MKLN1: variants seen among roughly 807,000 people sequenced by gnomAD.
The protein encoded by MKLN1 is muskelin 1, also known as muskelin.
MKLN1 carries 18 observed loss-of-function variants against 99.0 expected under a neutral mutation model. The observed-to-expected ratio is 0.18, with a 90% CI of 0.13 to 0.27. The LOEUF (loss-of-function observed/expected upper bound fraction) is 0.27, where lower values mean the gene tolerates loss of function less well. Among genes scored for constraint, MKLN1 ranks in the 10% least tolerant of loss-of-function variants. MKLN1 has a pLI of 1.00. For synonymous variants in MKLN1, 288 were observed against 293.2 expected (o/e 0.98, Z 0.18); for missense variants, 621 against 875.9 (o/e 0.71, Z 3.67).
In MKLN1 at chr7:131,495,906, A is replaced by C. The variant is rs1055834520; in HGVS notation, c.*8178A>C. On this transcript the variant is annotated 3_prime_UTR_variant, in exon 18 of 18. Transcript: ENST00000352689. ...GGAGCATATTCATACCATGAGGAGG[A>C]GTCTTTGTTTATGATGGACTTTTTA... 2.0e-5 allele frequency: 3 copies of C among 152,170 alleles called. No individual in the cohort carries two copies. Among genetic ancestry groups the C allele is most frequent in the African/African-American group, 4.8e-5 (2 of 41,434 alleles). The allele number at this position is 152,170 out of a possible 1,614,324, so 9.4% of individuals were successfully genotyped here.
At chr7:131,299,985 A>G (rs958121500) in intron 3 of MKLN1, among the ~76,000 whole-genome samples, 2 of 152,176 alleles carry the variant, frequency 1.3e-5, no homozygotes, top group Non-Finnish European at 2.9e-5. Flanking sequence ...TCTCGGGGTA[A>G]ACTCTGCAGC....
At chr7:131,138,711 T>G (rs12533020) in intron 1 of MKLN1, among the ~76,000 whole-genome samples, 1 of 150,420 alleles carries the variant, frequency 6.6e-6, no homozygotes. Flanking sequence ...AAAAAAAAAA[T>G]TCTTCAGCTG....
At chr7:131,466,931 G>A (rs931360919) in intron 15 of MKLN1, among the ~76,000 whole-genome samples, 4 of 151,810 alleles carry the variant, frequency 2.6e-5, no homozygotes, top group Admixed American at 1.3e-4. Flanking sequence ...ACACGCGCGC[G>A]CGCGCACACA....
chr7:131,437,687 G>A (rs1370259825), intron 9 of MKLN1, 98 bp from the exon 10 acceptor site: 31 of 889,438 alleles, frequency 3.5e-5, no homozygotes, highest in Non-Finnish European at 5.2e-5. Flanking sequence ...TTTAATGAAA[G>A]GTAATAAAAA....
intron 7 of MKLN1, among the ~76,000 whole-genome samples, chr7:131,413,063 C>G (rs1010946096): frequency 6.6e-6 from 1 of 152,096 alleles, no homozygotes; most frequent in African/African-American, 2.4e-5. Context: ...AAAATGAATT[C>G]ATTTTAGTGC....
intron 1 of MKLN1, among the ~76,000 whole-genome samples, chr7:131,335,196 T>G (rs1799216776): frequency 6.6e-6 from 1 of 152,198 alleles, no homozygotes; most frequent in African/African-American, 2.4e-5. Flanking sequence ...TTAGAAAATT[T>G]TTTTGTTGTT....
At chr7:131,130,568 C>T (rs542533690) in intron 1 of MKLN1, among the ~76,000 whole-genome samples, 3 of 152,154 alleles carry the variant, frequency 2.0e-5, no homozygotes, top group Admixed American at 1.3e-4. Context: ...TTTTTTCTGT[C>T]GATAATGTTA....
At chr7:131,216,672 A>G (rs1403042388) in intron 3 of MKLN1, among the ~76,000 whole-genome samples, 1 of 152,126 alleles carries the variant, frequency 6.6e-6, no homozygotes, top group Non-Finnish European at 1.5e-5. Context: ...AATGCTACTC[A>G]ATTTCTACAA....
intron 3 of MKLN1, among the ~76,000 whole-genome samples, chr7:131,259,522 ATACTT>A (rs752821077): frequency 3.7e-4 from 57 of 152,220 alleles, no homozygotes; most frequent in Non-Finnish European, 6.5e-4. Context: ...TCACCCCTAA[ATACTT>A]TAACATTCAC....
intron 5 of MKLN1, among the ~76,000 whole-genome samples, chr7:131,398,358 C>G (rs1409577839): frequency 1.3e-5 from 2 of 152,064 alleles, no homozygotes; most frequent in Admixed American, 6.6e-5. Context: ...GAGATGTCTA[C>G]TTTATAGCTG....
chr7:131,221,278 C>T (rs954207052), intron 3 of MKLN1, among the ~76,000 whole-genome samples: 8 of 152,138 alleles, frequency 5.3e-5, no homozygotes, highest in Non-Finnish European at 1.2e-4. Context: ...GTGGAGCTCC[C>T]CATTGTTGGT....
chr7:131,223,441 G>C (rs1431616593), intron 3 of MKLN1, among the ~76,000 whole-genome samples: 1 of 152,174 alleles, frequency 6.6e-6, no homozygotes, highest in Non-Finnish European at 1.5e-5. Flanking sequence ...GTAAAACTGG[G>C]TTAGCAGAGA....
chr7:131,148,751 G>A (rs1037940419), intron 2 of MKLN1, among the ~76,000 whole-genome samples: 1 of 152,150 alleles, frequency 6.6e-6, no homozygotes, highest in African/African-American at 2.4e-5. Flanking sequence ...TCCAGCTTGG[G>A]TGACAGGGTG....
chr7:131,384,626 T>A (rs990967820), intron 2 of MKLN1, among the ~76,000 whole-genome samples: 2 of 152,248 alleles, frequency 1.3e-5, no homozygotes, highest in Non-Finnish European at 2.9e-5. Flanking sequence ...TAATTTGTTA[T>A]GGAAACCCAA....
chr7:131,192,166 T>TAC lies in MKLN1; in HGVS notation c.-296-10691_-296-10690insAC, dbSNP rs1485463878. Among the ~76,000 whole-genome samples, 95 of 97,442 alleles carry TAC rather than the reference T, an allele frequency of 9.7e-4. 9 individuals are homozygous for TAC. Among genetic ancestry groups the TAC allele is most frequent in the African/African-American group, 3.9e-3 (91 of 23,194 alleles). The allele number at this position is 97,442 out of a possible 152,430, so 63.9% of individuals were successfully genotyped here. A position where few individuals can be genotyped will look rare whatever the true frequency, so the allele number is the denominator to read the frequency against. ...ATACGTATATATACATATATACTTA[T>TAC]GTATAATATATAAAAATATATAAAA... On this transcript the variant is annotated intron_variant, in intron 2 of 7. Coordinates refer to the MKLN1 transcript ENST00000416992.
chr7:131,374,140 C>T (rs1206678435), intron 1 of MKLN1, among the ~76,000 whole-genome samples: 3 of 152,104 alleles, frequency 2.0e-5, no homozygotes, highest in Non-Finnish European at 2.9e-5. Context: ...TTTTAAAAAA[C>T]ACTTTTTTTC....
chr7:131,359,635 A>G (rs948747298), intron 1 of MKLN1, among the ~76,000 whole-genome samples: 1 of 152,068 alleles, frequency 6.6e-6, no homozygotes, highest in Admixed American at 6.6e-5. Flanking sequence ...TTTCTCTCTC[A>G]AGTATTTTGA....
chr7:131,454,734 TAAAG>T (rs745360677), intron 12 of MKLN1, among the ~76,000 whole-genome samples: 21 of 152,182 alleles, frequency 1.4e-4, no homozygotes, highest in Non-Finnish European at 2.6e-4. Context: ...CAATGAGACA[TAAAG>T]AAAGTCTACT....
intron 2 of MKLN1, among the ~76,000 whole-genome samples, chr7:131,185,423 CA>C (rs35268389): frequency 2.7e-4 from 39 of 143,526 alleles, no homozygotes; most frequent in East Asian, 2.0e-3. Context: ...ACTAAAAATA[CA>C]AAAAAAAAAA....
Sources: gnomAD v4.1 joint callset for allele counts (sites outside exome capture counted in the v4.1 genomes callset) on GRCh38, gnomAD v4.1.1 for gene constraint, MANE v1.5 for transcripts, NCBI Gene and HGNC (gene_info 2026-07-23, HGNC 2026-07-21) for gene names.